Variants in ZNF382 observed in about 807,000 individuals in gnomAD.
The protein encoded by ZNF382 is zinc finger protein 382.
In ZNF382, 20 loss-of-function variants were observed where a neutral mutation model predicts 38.8. That is an observed-to-expected ratio of 0.51 (90% CI 0.36 to 0.75). The LOEUF is 0.75. Ranked by LOEUF, ZNF382 falls within the 30% of genes least tolerant of loss-of-function variation. ZNF382 has a pLI of 0.00. For missense variants in ZNF382, 546 were observed against 654.1 expected (o/e 0.83, Z 1.80); for synonymous variants, 202 against 223.1 (o/e 0.91, Z 0.84).
At chr19:36,607,514 G>A (rs2037044095) in intron 1 of ZNF382, 38 bp from the exon 2 acceptor site, 1 of 1,245,940 alleles carries the variant, frequency 8.0e-7, no homozygotes. Context: ...GTCAAGTATG[G>A]TCTCACATAC....
chr19:36,620,872 C>G (rs1479631242), intron 4 of ZNF382, among the ~76,000 whole-genome samples: 3 of 152,008 alleles, frequency 2.0e-5, no homozygotes, highest in Non-Finnish European at 4.4e-5. Context: ...GATCCTCTCT[C>G]CTCAGCCTTC....
At chr19:36,614,919 C>CTTCCCTTTCCGTTTCCG (rs1568628635) in intron 4 of ZNF382, among the ~76,000 whole-genome samples, 1,261 of 80,978 alleles carry the variant, frequency 0.016, 52 homozygotes, top group African/African-American at 0.058. Flanking sequence ...CTTTCCTTCC[C>CTTCCCTTTCCGTTTCCG]TTTCCCTTTC....
At chr19:36,625,094 AT>A (rs2037200432) in intron 4 of ZNF382, among the ~76,000 whole-genome samples, 1 of 82,346 alleles carries the variant, frequency 1.2e-5, no homozygotes, top group African/African-American at 5.2e-5. Context: ...ATTTAAATAT[AT>A]ATATATATAT....
chr19:36,608,177 C>T (rs1211890218), intron 2 of ZNF382: 1 of 152,312 alleles, frequency 6.6e-6, no homozygotes, highest in Non-Finnish European at 1.5e-5. Flanking sequence ...GTGGTAGATC[C>T]CAGCATTAGT....
chr19:36,616,143 G>A (rs1014815219), intron 4 of ZNF382, among the ~76,000 whole-genome samples: 2 of 152,178 alleles, frequency 1.3e-5, no homozygotes, highest in African/African-American at 4.8e-5. Flanking sequence ...TACTCAGGAG[G>A]CTGAGGCAGG....
At chr19:36,622,497 G>A (rs974067320) in intron 4 of ZNF382, among the ~76,000 whole-genome samples, 1 of 152,162 alleles carries the variant, frequency 6.6e-6, no homozygotes, top group Non-Finnish European at 1.5e-5. Flanking sequence ...GTGGAGTCAT[G>A]GATATCAATC....
intron 4 of ZNF382, among the ~76,000 whole-genome samples, chr19:36,613,190 T>G (rs1348575587): frequency 2.0e-5 from 3 of 152,198 alleles, no homozygotes; most frequent in Non-Finnish European, 4.4e-5. Context: ...TTTTGTTCAA[T>G]GTATGTATTA....
chr19:36,627,156 A>G lies in ZNF382; in HGVS notation c.1259A>G (p.Lys420Arg). ...GAGTGTGGGAAGGCATTTATCCAGA[A>G]GACAACCCTCACTGTTCATCAGAGA... Reference protein sequence around the residue: ...CNECGKAFIQKTTLTVHQRTH... With the variant: ...CNECGKAFIQRTTLTVHQRTH... Residue 420 changes from lysine (K) to arginine (R), a missense_variant, in exon 5 of 5, where the codon AAG becomes AGG. Transcript: ENST00000292928. 6.2e-7 allele frequency: 1 copy of G among 1,614,248 alleles called. No individual in the cohort carries two copies. The highest frequency in any genetic ancestry group is 8.5e-7 in the Non-Finnish European group (1 of 1,180,044).
At position 36,629,292 on chromosome 19, in the gene ZNF382, G is replaced by A. The variant is rs1032421114; in HGVS notation, c.*1742G>A. On this transcript the variant is annotated 3_prime_UTR_variant, in exon 5 of 5. Transcript: ENST00000292928. Reference sequence around the variant, plus strand: ...TTCATGAAAGAAGTCTAGCCATACCGAGACCATAATGCTAGGAAGTCTATG... The same window carrying A: ...TTCATGAAAGAAGTCTAGCCATACCAAGACCATAATGCTAGGAAGTCTATG... The A allele has an allele frequency of 4.6e-5, 7 of 152,248 alleles. No homozygotes were observed. In the East Asian group the frequency reaches 9.7e-4, roughly 21 times the overall value. The allele number at this position is 152,248 out of a possible 1,614,324, so 9.4% of individuals were successfully genotyped here. A position where few individuals can be genotyped will look rare whatever the true frequency, so the allele number is the denominator to read the frequency against.
At position 36,628,284 on chromosome 19, in the gene ZNF382, G is replaced by A. The variant is rs1322566620; in HGVS notation, c.*734G>A. The A allele has an allele frequency of 6.6e-6, 1 of 152,426 alleles. No individual in the cohort carries two copies. Among genetic ancestry groups the A allele is most frequent in the African/African-American group, 2.4e-5 (1 of 41,402 alleles). 9.4% of individuals were successfully genotyped at this position (152,426 alleles called of 1,614,324 possible). A position where few individuals can be genotyped will look rare whatever the true frequency, so the allele number is the denominator to read the frequency against. On this transcript the variant is annotated 3_prime_UTR_variant, in exon 5 of 5. Transcript: ENST00000292928. Reference sequence around the variant, plus strand: ...TGCTTCTGAGAACATACTTGTCTTGGTGTACATACATGTATTTCTCTTGTG... The same window carrying A: ...TGCTTCTGAGAACATACTTGTCTTGATGTACATACATGTATTTCTCTTGTG...
chr19:36,626,675 A>G lies in ZNF382; in HGVS notation c.778A>G (p.Ser260Gly). 4 of 1,614,030 alleles carry G rather than the reference A, an allele frequency of 2.5e-6. No homozygotes were observed. Among genetic ancestry groups the G allele is most frequent in the South Asian group, 1.1e-5 (1 of 91,076 alleles). Residue 260 changes from serine (S) to glycine (G), a missense_variant, in exon 5 of 5, where the codon AGT becomes GGT. By Grantham distance (56) the Ser-to-Gly change is moderately conservative. Coordinates refer to ENST00000292928, the MANE Select transcript of ZNF382 (RefSeq NM_032825.5). The part of the protein sequence containing the change: ...IEKSSLSVHP[S>G]NLMEKKPSAY... ...AAAGTCAAGCCTCAGTGTCCATCCA[A>G]GTAATCTTATGGAAAAGAAGCCCTC... is the stretch of plus-strand genomic sequence containing the variant.
rs771188493 is a variant in ZNF382 at position 36,627,353 on chromosome 19, C to T, written c.1456C>T (p.His486Tyr). ...KAILTVHHRIHTGEKSNGCPQ... is the reference protein window; with the variant it reads ...KAILTVHHRIYTGEKSNGCPQ... ...AATCCTCACTGTTCATCACAGAATACATACAGGAGAAAAATCCAATGGGTG... is the reference window on the plus strand; with the variant it reads ...AATCCTCACTGTTCATCACAGAATATATACAGGAGAAAAATCCAATGGGTG... The change falls in exon 5 of 5, where the codon CAT becomes TAT. Residue 486 changes from histidine (H) to tyrosine (Y), a missense_variant. Physicochemically the swap from His to Tyr is moderately conservative, Grantham distance 83. Coordinates refer to ENST00000292928, the MANE Select transcript of ZNF382 (RefSeq NM_032825.5). 1 of 1,614,172 alleles carries T rather than the reference C, an allele frequency of 6.2e-7. No homozygotes were observed. The highest frequency in any genetic ancestry group is 2.2e-5 in the East Asian group (1 of 44,880).
In ZNF382 at chr19:36,630,702, A is replaced by G. The variant is rs1311883260; in HGVS notation, c.*3152A>G. ...TTAGGAAAATTTGGTCCTGTGGTTT[A>G]TATTTTGGCATGAAACAGCATTGGG... On this transcript the variant is annotated 3_prime_UTR_variant, in exon 5 of 5. Transcript: ENST00000292928. 1 of 152,190 alleles carries G rather than the reference A, an allele frequency of 6.6e-6. No homozygotes were observed. The highest frequency in any genetic ancestry group is 6.5e-5 in the Admixed American group (1 of 15,272). 9.4% of individuals were successfully genotyped at this position (152,190 alleles called of 1,614,324 possible). A position where few individuals can be genotyped will look rare whatever the true frequency, so the allele number is the denominator to read the frequency against.
In ZNF382 at chr19:36,633,813, A is replaced by G. The variant is rs1423060893; in HGVS notation, c.*6263A>G. The G allele has an allele frequency of 6.6e-6, 1 of 152,200 alleles. No homozygotes were observed. Among genetic ancestry groups the G allele is most frequent in the Non-Finnish European group, 1.5e-5 (1 of 68,038 alleles). The allele number at this position is 152,200 out of a possible 1,614,324, so 9.4% of individuals were successfully genotyped here. ...ACCTCAAATGCATTACGCTAAAGGA[A>G]AGAACCCAGTCCCAAAAAGTTACAT... On this transcript the variant is annotated 3_prime_UTR_variant, in exon 5 of 5. Coordinates refer to ENST00000292928, the MANE Select transcript of ZNF382 (RefSeq NM_032825.5).
At chr19:36,619,444 A>G (rs553770781) in intron 4 of ZNF382, among the ~76,000 whole-genome samples, 1 of 152,286 alleles carries the variant, frequency 6.6e-6, no homozygotes, top group Admixed American at 6.5e-5. Flanking sequence ...AGTTTGCATC[A>G]TTCTGACTTT....
intron 1 of ZNF382, among the ~76,000 whole-genome samples, chr19:36,606,770 G>A (rs2037032608): frequency 6.6e-6 from 1 of 152,070 alleles, no homozygotes; most frequent in Non-Finnish European, 1.5e-5. Flanking sequence ...CAGTCTCACT[G>A]TAGTAATTAA....
chr19:36,607,203 T>C (rs964576041), intron 1 of ZNF382, among the ~76,000 whole-genome samples: 2 of 151,996 alleles, frequency 1.3e-5, no homozygotes, highest in African/African-American at 4.8e-5. Context: ...TCAGTGTAAA[T>C]TGGCAAAAAG....
At chr19:36,619,729 G>GTTTT (rs66531552) in intron 4 of ZNF382, among the ~76,000 whole-genome samples, 3 of 147,922 alleles carry the variant, frequency 2.0e-5, no homozygotes, top group Non-Finnish European at 4.5e-5. Context: ...AATTAAAAGA[G>GTTTT]TTTTTTTTTT....
At position 36,627,372 on chromosome 19, in the gene ZNF382, A is replaced by T. The variant is rs374599712; in HGVS notation, c.1475A>T (p.Asn492Ile). 1.2e-6 allele frequency: 2 copies of T among 1,614,170 alleles called. No individual in the cohort carries two copies. Among genetic ancestry groups the T allele is most frequent in the Non-Finnish European group, 1.7e-6 (2 of 1,180,020 alleles). The change falls in exon 5 of 5, where the codon AAT (asparagine) becomes ATT (isoleucine). Residue 492 changes from asparagine to isoleucine, a missense_variant. Coordinates refer to ENST00000292928, the MANE Select transcript of ZNF382 (RefSeq NM_032825.5). The stretch of plus-strand genomic sequence containing the variant: ...AGAATACATACAGGAGAAAAATCCA[A>T]TGGGTGTCCTCAGTGTGGGAAAGCC... ...HHRIHTGEKS[N>I]GCPQCGKAFS... is the part of the protein sequence containing the mutation.
Sources: allele counts gnomAD v4.1 joint callset (sites outside exome capture counted in the v4.1 genomes callset), GRCh38; gene constraint gnomAD v4.1.1; transcripts MANE v1.5; gene names NCBI Gene and HGNC (gene_info 2026-07-23, HGNC 2026-07-21).